The following EXOC4 variants were observed in gnomAD, a reference collection of about 807,000 sequenced individuals.
EXOC4 encodes the protein SEC8-like 1.
A neutral mutation model predicts 107.2 loss-of-function variants in EXOC4; 71 were observed. The observed-to-expected ratio is 0.66, with a 90% CI of 0.55 to 0.81. EXOC4 has a LOEUF of 0.81. Ranked by LOEUF, EXOC4 falls within the 30% of genes least tolerant of loss-of-function variation. The pLI, the probability that EXOC4 is intolerant of heterozygous loss-of-function variation, is 0.00. For synonymous variants in EXOC4, 456 were observed against 441.2 expected (o/e 1.03, Z -0.42); for missense variants, 1,108 against 1,189.6 (o/e 0.93, Z 1.01).
chr7:133,737,909 CTTTTTTTTTTTTT>C (rs10673346), intron 10 of EXOC4, among the ~76,000 whole-genome samples: 1 of 89,328 alleles, frequency 1.1e-5, no homozygotes, highest in East Asian at 4.1e-4. Context: ...ATTTTTCTTT[CTTTTTTTTTTTTT>C]TTTTTTTGAG....
At chr7:133,876,437 A>C (rs565704834) in intron 11 of EXOC4, among the ~76,000 whole-genome samples, 1 of 152,284 alleles carries the variant, frequency 6.6e-6, no homozygotes, top group South Asian at 2.1e-4. Context: ...AAATGTCCAT[A>C]CATGATCCAA....
chr7:133,958,882 C>G (rs1349016548), intron 14 of EXOC4, among the ~76,000 whole-genome samples: 1 of 152,170 alleles, frequency 6.6e-6, no homozygotes, highest in East Asian at 1.9e-4. Context: ...GGCTGTTATT[C>G]TGAAATCAGG....
chr7:133,339,992 GC>G (rs1337067919), intron 5 of EXOC4, among the ~76,000 whole-genome samples: 1 of 152,090 alleles, frequency 6.6e-6, no homozygotes, highest in Non-Finnish European at 1.5e-5. Context: ...TAATTTGGAT[GC>G]CCTTTATTTC....
intron 9 of EXOC4, among the ~76,000 whole-genome samples, chr7:133,581,776 A>AAG: frequency 6.6e-6 from 1 of 151,310 alleles, no homozygotes; most frequent in East Asian, 1.9e-4. Flanking sequence ...AAAAAAAAAA[A>AAG]AAAGAATGAC....
intron 10 of EXOC4, among the ~76,000 whole-genome samples, chr7:133,763,289 A>C (rs532580996): frequency 6.6e-6 from 1 of 152,256 alleles, no homozygotes; most frequent in Non-Finnish European, 1.5e-5. Flanking sequence ...TACCAAGTAT[A>C]AATGCTGTCT....
At chr7:133,256,143 G>A (rs187581129) in intron 1 of EXOC4, among the ~76,000 whole-genome samples, 24 of 152,086 alleles carry the variant, frequency 1.6e-4, no homozygotes, top group African/African-American at 4.8e-4. Flanking sequence ...CACCATACCC[G>A]ACTAATGTTT....
intron 17 of EXOC4, among the ~76,000 whole-genome samples, chr7:134,049,103 C>G (rs959016543): frequency 1.3e-5 from 2 of 152,224 alleles, no homozygotes; most frequent in African/African-American, 4.8e-5. Flanking sequence ...AATGACTGTA[C>G]TTTGTGAGTT....
intron 12 of EXOC4, among the ~76,000 whole-genome samples, chr7:133,902,381 T>C (rs1207630624): frequency 6.6e-6 from 1 of 152,196 alleles, no homozygotes; most frequent in African/African-American, 2.4e-5. Flanking sequence ...TTTAAAACAA[T>C]TTATTCACTT....
chr7:133,293,088 C>T (rs1303638949), intron 3 of EXOC4, among the ~76,000 whole-genome samples: 1 of 152,102 alleles, frequency 6.6e-6, no homozygotes, highest in Non-Finnish European at 1.5e-5. Flanking sequence ...CATTTGTTAG[C>T]TTATTTCTTT....
rs201268383 is a variant in EXOC4 at position 133,895,481 on chromosome 7, TCA to T, written c.1735-115_1735-114del. 3.6e-3 allele frequency: 3,818 copies of T among 1,048,694 alleles called. 101 individuals are homozygous for T. The African/African-American group carries it at 0.053, about 15-fold the overall frequency. The allele number at this position is 1,048,694 out of a possible 1,614,324, so 65.0% of individuals were successfully genotyped here. On this transcript the variant is annotated intron_variant, in intron 11 of 17. Transcript: ENST00000253861. ...TGTTTTGAGTTCATATTTCAAAATG[TCA>T]CATTCTTGCAGGAGAGCTCAGGTAC...
At chr7:133,593,039 G>A (rs942773809) in intron 9 of EXOC4, among the ~76,000 whole-genome samples, 1 of 152,198 alleles carries the variant, frequency 6.6e-6, no homozygotes, top group Non-Finnish European at 1.5e-5. Flanking sequence ...GAGCCACCGT[G>A]CCTGGCCTAA....
intron 10 of EXOC4, among the ~76,000 whole-genome samples, chr7:133,803,658 T>C (rs1055510457): frequency 2.0e-5 from 3 of 152,212 alleles, no homozygotes; most frequent in African/African-American, 7.2e-5. Context: ...CACTTGCAAG[T>C]AATCAGTTAG....
chr7:133,545,315 C>T (rs1800459749), intron 9 of EXOC4, among the ~76,000 whole-genome samples: 1 of 152,174 alleles, frequency 6.6e-6, no homozygotes, highest in South Asian at 2.1e-4. Flanking sequence ...CACTGACCCT[C>T]CATTTCTTCT....
intron 5 of EXOC4, among the ~76,000 whole-genome samples, chr7:133,342,745 T>C (rs1387908641): frequency 1.3e-5 from 2 of 152,138 alleles, no homozygotes; most frequent in South Asian, 4.1e-4. Context: ...CTTTGTCAGA[T>C]TGGGTTAATT....
intron 1 of EXOC4, among the ~76,000 whole-genome samples, chr7:133,267,495 T>C (rs1793759019): frequency 6.6e-6 from 1 of 152,196 alleles, no homozygotes; most frequent in Admixed American, 6.5e-5. Flanking sequence ...TGTATTCAAA[T>C]GCCATCTTTA....
intron 10 of EXOC4, among the ~76,000 whole-genome samples, chr7:133,636,308 G>T (rs1257129622): frequency 3.3e-5 from 5 of 152,292 alleles, no homozygotes; most frequent in Admixed American, 1.3e-4. Context: ...TTAAATAAAT[G>T]AGTTGGTTGG....
At chr7:134,024,026 G>A (rs1337610062) in intron 17 of EXOC4, among the ~76,000 whole-genome samples, 2 of 152,160 alleles carry the variant, frequency 1.3e-5, no homozygotes, top group African/African-American at 2.4e-5. Flanking sequence ...CCAAATCCAG[G>A]AGGAAGGCTG....
intron 14 of EXOC4, among the ~76,000 whole-genome samples, chr7:133,972,010 C>G (rs933461684): frequency 0.12 from 8 of 68 alleles, no homozygotes; most frequent in Admixed American, 0.29. Context: ...AATTTTCTTC[C>G]CATTCTCTTG....
intron 7 of EXOC4, among the ~76,000 whole-genome samples, chr7:133,413,523 T>TCACTGCAATTTA: frequency 6.6e-6 from 1 of 152,234 alleles, no homozygotes; most frequent in African/African-American, 2.4e-5. Context: ...GTGACTTTGG[T>TCACTGCAATTTA]GTCAAATTTA....
Sources: allele counts gnomAD v4.1 joint callset (sites outside exome capture counted in the v4.1 genomes callset), GRCh38; gene constraint gnomAD v4.1.1; transcripts MANE v1.5; gene names NCBI Gene and HGNC (gene_info 2026-07-23, HGNC 2026-07-21).